GOLM1: variants seen among roughly 807,000 people sequenced by gnomAD.
The protein encoded by GOLM1 is golgi membrane protein 1.
Under a neutral mutation model 50.5 loss-of-function variants are expected in GOLM1, and 31 were observed. The observed-to-expected ratio is 0.61, with a 90% CI of 0.46 to 0.83. The LOEUF (loss-of-function observed/expected upper bound fraction) is 0.83. Among genes scored for constraint, GOLM1 ranks in the 40% least tolerant of loss-of-function variants. GOLM1 has a pLI of 0.00. For missense variants in GOLM1, 491 were observed against 501.3 expected (o/e 0.98, Z 0.20); for synonymous variants, 178 against 192.8 (o/e 0.92, Z 0.64).
chr9:86,071,926 A>C (rs1204219467), intron 3 of GOLM1, among the ~76,000 whole-genome samples: 1 of 152,192 alleles, frequency 6.6e-6, no homozygotes, highest in African/African-American at 2.4e-5. Flanking sequence ...ACAAAGGCTT[A>C]CAATAAGGAG....
At chr9:86,053,605 CA>C (rs1564347437) in intron 3 of GOLM1, among the ~76,000 whole-genome samples, 5 of 28,764 alleles carry the variant, frequency 1.7e-4, no homozygotes, top group Non-Finnish European at 2.3e-4. Flanking sequence ...TCCACACACA[CA>C]TCACACACCA....
chr9:86,041,990 T>G lies in GOLM1; in HGVS notation c.468-1122A>C, dbSNP rs367978519. On this transcript the variant is annotated intron_variant, in intron 5 of 9. Coordinates refer to ENST00000388712, the MANE Select transcript of GOLM1 (RefSeq NM_016548.4). The stretch of plus-strand genomic sequence containing the variant: ...AAATTGGCTGGGCATGGTGGCGGGC[T>G]CCTGTAGTCCCAGCTACTCGGGAGG... 7.9e-3 allele frequency among the ~76,000 whole-genome samples: 1,199 copies of G among 152,144 alleles called. 9 individuals carry two copies. Among genetic ancestry groups the G allele is most frequent in the Non-Finnish European group, 8.4e-3 (572 of 67,984 alleles).
In GOLM1 at chr9:86,053,112, ACACAC is replaced by A. The variant is rs919277170; in HGVS notation, c.310-526_310-522del. Among the ~76,000 whole-genome samples the A allele has an allele frequency of 5.3e-5, 7 of 131,890 alleles. No homozygotes were observed. In the South Asian group the frequency reaches 1.0e-3, roughly 19 times the overall value. 86.5% of individuals were successfully genotyped at this position (131,890 alleles called of 152,430 possible). On this transcript the variant is annotated intron_variant, in intron 3 of 9. Transcript: ENST00000388712. Reference sequence around the variant, plus strand: ...ACACCATGCCACAACTCCACACCACACACACCACACCACACACCACACCAAACCAC... The same window carrying A: ...ACACCATGCCACAACTCCACACCACACACACCACACACCACACCAAACCAC...
chr9:86,099,596 C>CCGGCGGCGCGAAGGGAGGAGG (rs1441767434), upstream of GOLM1: 3 of 147,810 alleles, frequency 2.0e-5, no homozygotes, highest in South Asian at 2.1e-4. Flanking sequence ...CCGAGCAGCG[C>CCGGCGGCGCGAAGGGAGGAGG]CGGCGGCGCG....
intron 1 of GOLM1, among the ~76,000 whole-genome samples, chr9:86,098,439 A>C (rs576019492): frequency 2.0e-4 from 31 of 152,320 alleles, no homozygotes; most frequent in African/African-American, 6.7e-4. Context: ...TAAATACTTC[A>C]TCAGGTTATT....
intron 3 of GOLM1, among the ~76,000 whole-genome samples, chr9:86,066,674 T>C (rs1834316598): frequency 1.3e-5 from 2 of 152,208 alleles, no homozygotes; most frequent in African/African-American, 4.8e-5. Context: ...CGAGCGAGAA[T>C]GTTACAAGTG....
intron 4 of GOLM1, among the ~76,000 whole-genome samples, chr9:86,048,561 T>C (rs1028775589): frequency 1.3e-5 from 2 of 152,146 alleles, no homozygotes; most frequent in African/African-American, 2.4e-5. Flanking sequence ...TTAATGATCG[T>C]CATTCTAAAC....
chr9:86,027,360 T>C lies in GOLM1; in HGVS notation c.*457A>G. 5.1e-6 allele frequency: 5 copies of C among 988,774 alleles called. No individual in the cohort carries two copies. Among genetic ancestry groups the C allele is most frequent in the Non-Finnish European group, 6.0e-6 (5 of 832,336 alleles). The allele number at this position is 988,774 out of a possible 1,614,324, so 61.3% of individuals were successfully genotyped here. A position where few individuals can be genotyped will look rare whatever the true frequency, so the allele number is the denominator to read the frequency against. On this transcript the variant is annotated 3_prime_UTR_variant, in exon 10 of 10. Transcript: ENST00000388712. ...ACTACACAAGAGCATTAGCCAGACTTTTCAGTGAGAACAGGTAACAGGCTG... is the reference window on the plus strand; with the variant it reads ...ACTACACAAGAGCATTAGCCAGACTCTTCAGTGAGAACAGGTAACAGGCTG...
At chr9:86,082,615 T>C (rs1158960051) in intron 1 of GOLM1, among the ~76,000 whole-genome samples, 2 of 151,918 alleles carry the variant, frequency 1.3e-5, no homozygotes, top group East Asian at 3.9e-4. Flanking sequence ...TAATTTTTTC[T>C]ATTTTTGTAG....
At chr9:86,092,912 A>G (rs1333027116) in intron 1 of GOLM1, among the ~76,000 whole-genome samples, 1 of 152,232 alleles carries the variant, frequency 6.6e-6, no homozygotes, top group African/African-American at 2.4e-5. Flanking sequence ...ATACTGCATC[A>G]AACAGAGGTA....
intron 3 of GOLM1, among the ~76,000 whole-genome samples, chr9:86,058,272 G>A (rs1023766368): frequency 2.0e-5 from 3 of 152,064 alleles, no homozygotes; most frequent in Admixed American, 6.5e-5. Context: ...AAACAGGTTG[G>A]GCAAAAGATT....
At chr9:86,085,367 AC>A (rs1406347103) in intron 1 of GOLM1, among the ~76,000 whole-genome samples, 1 of 150,858 alleles carries the variant, frequency 6.6e-6, no homozygotes, top group Non-Finnish European at 1.5e-5. Flanking sequence ...TTAAAGGTAA[AC>A]CAATCTTTGG....
chr9:86,058,947 G>A (rs996732132), intron 3 of GOLM1, among the ~76,000 whole-genome samples: 27 of 152,118 alleles, frequency 1.8e-4, no homozygotes, highest in African/African-American at 6.0e-4. Flanking sequence ...GCAGTGATCC[G>A]AGATTGAGCC....
At chr9:86,066,702 G>A (rs1475361454) in intron 3 of GOLM1, among the ~76,000 whole-genome samples, 1 of 152,214 alleles carries the variant, frequency 6.6e-6, no homozygotes, top group Non-Finnish European at 1.5e-5. Flanking sequence ...TGAAAATGAA[G>A]CTATTTGTGA....
In GOLM1 at chr9:86,040,792, T is replaced by C; in HGVS notation, c.544A>G (p.Asn182Asp). The C allele has an allele frequency of 1.9e-6, 3 of 1,613,862 alleles. No individual in the cohort carries two copies. The highest frequency in any genetic ancestry group is 2.5e-6 in the Non-Finnish European group (3 of 1,179,728). The change falls in exon 6 of 10, where the codon AAT (asparagine) becomes GAT (aspartate). Residue 182 changes from asparagine (N) to aspartate (D), a missense_variant. Coordinates refer to ENST00000388712, the MANE Select transcript of GOLM1 (RefSeq NM_016548.4). ...ERIEEVTKKG[N>D]EAVASRDLSE... is the part of the protein sequence containing the mutation. ...AGGTCTCTGGAAGCTACAGCTTCAT[T>C]CCCCTTTTTGGTGACCTCTTCTATT... is the stretch of plus-strand genomic sequence containing the variant.
chr9:86,051,257 A>C (rs1478230353), intron 4 of GOLM1, among the ~76,000 whole-genome samples: 2 of 151,964 alleles, frequency 1.3e-5, no homozygotes, highest in African/African-American at 2.4e-5. Flanking sequence ...GTTCTTTTAC[A>C]TTTGCTGAGG....
In GOLM1 at chr9:86,026,587, C is replaced by T. The variant is rs549592571; in HGVS notation, c.*1230G>A. 1.0e-6 allele frequency: 1 copy of T among 965,992 alleles called. No homozygotes were observed. The highest frequency in any genetic ancestry group is 1.1e-4 in the East Asian group (1 of 8,710). The allele number at this position is 965,992 out of a possible 1,614,324, so 59.8% of individuals were successfully genotyped here. On this transcript the variant is annotated 3_prime_UTR_variant, in exon 10 of 10. Coordinates refer to ENST00000388712, the MANE Select transcript of GOLM1 (RefSeq NM_016548.4). ...TCTCTGGGGCCTTAGCATCTCAAAT[C>T]CTGTGGATCCTCCTACTTACCCCTT...
Position 86,026,331 on chromosome 9 carries a change from T to G in GOLM1, c.*1486A>C, listed in dbSNP as rs1035973840. The G allele has an allele frequency of 4.1e-6, 4 of 985,054 alleles. No homozygotes were observed. In the African/African-American group the frequency reaches 5.2e-5, roughly 13 times the overall value. 61.0% of individuals were successfully genotyped at this position (985,054 alleles called of 1,614,324 possible). The stretch of plus-strand genomic sequence containing the variant: ...CTAAGATTTTATCTAAGTTGCCTTT[T>G]CTGGGTGGGAAAGTTTAACCTTAGT... On this transcript the variant is annotated 3_prime_UTR_variant, in exon 10 of 10. Transcript: ENST00000388712.
chr9:86,054,449 T>C (rs565189145), intron 3 of GOLM1, among the ~76,000 whole-genome samples: 21 of 152,156 alleles, frequency 1.4e-4, no homozygotes, highest in Non-Finnish European at 1.2e-4. Flanking sequence ...GTCTCAAACT[T>C]CTGACCTCAA....
Sources: allele counts gnomAD v4.1 joint callset (sites outside exome capture counted in the v4.1 genomes callset), GRCh38; gene constraint gnomAD v4.1.1; transcripts MANE v1.5; gene names NCBI Gene and HGNC (gene_info 2026-07-23, HGNC 2026-07-21).